PAK5: variants seen among roughly 807,000 people sequenced by gnomAD.
The protein encoded by PAK5 is serine/threonine-protein kinase PAK 5.
In PAK5, 16 loss-of-function variants were observed where a neutral mutation model predicts 65.9. That is an observed-to-expected ratio of 0.24 (90% CI 0.16 to 0.37). The LOEUF (loss-of-function observed/expected upper bound fraction) is 0.37, where lower values mean the gene tolerates loss of function less well. Among genes scored for constraint, PAK5 ranks in the 10% least tolerant of loss-of-function variants. The pLI is 1.00. For missense variants in PAK5, 785 were observed against 903.9 expected (o/e 0.87, Z 1.69); for synonymous variants, 371 against 354.9 (o/e 1.05, Z -0.51).
intron 2 of PAK5, among the ~76,000 whole-genome samples, chr20:9,677,623 C>A (rs917626266): frequency 1.3e-5 from 2 of 152,188 alleles, no homozygotes; most frequent in Non-Finnish European, 2.9e-5. Context: ...TGTTCTTAAC[C>A]TCATCCAGAA....
intron 1 of PAK5, among the ~76,000 whole-genome samples, chr20:9,775,975 T>G (rs1379562982): frequency 6.6e-6 from 1 of 152,230 alleles, no homozygotes; most frequent in Non-Finnish European, 1.5e-5. Flanking sequence ...TATGAGAAAG[T>G]TAAATAGAAA....
At chr20:9,702,067 C>T (rs2047946792) in intron 2 of PAK5, among the ~76,000 whole-genome samples, 1 of 152,086 alleles carries the variant, frequency 6.6e-6, no homozygotes, top group Non-Finnish European at 1.5e-5. Flanking sequence ...ATCCGAGCTT[C>T]CCTCCACCTT....
rs115035530 is a variant in PAK5, at chr20:9,696,263, G to A, written c.-12+15023C>T. Among the ~76,000 whole-genome samples the A allele has an allele frequency of 2.7e-3, 411 of 152,216 alleles. 5 individuals carry two copies. The highest frequency in any genetic ancestry group is 9.5e-3 in the African/African-American group (394 of 41,572). On this transcript the variant is annotated intron_variant, in intron 2 of 9. Transcript: ENST00000353224. The stretch of plus-strand genomic sequence containing the variant: ...TCAAGGTGCAACCTCTGGACCATCA[G>A]CATAGGTATCACTGGGGATTGGGAG...
intron 1 of PAK5, among the ~76,000 whole-genome samples, chr20:9,775,701 A>G (rs566254069): frequency 6.6e-6 from 1 of 152,320 alleles, no homozygotes; most frequent in East Asian, 1.9e-4. Flanking sequence ...AAAAAGCATA[A>G]ATCTTGAACA....
chr20:9,647,810 C>G (rs2047152643), intron 2 of PAK5, among the ~76,000 whole-genome samples: 1 of 152,112 alleles, frequency 6.6e-6, no homozygotes, highest in Non-Finnish European at 1.5e-5. Flanking sequence ...AGCAATATTC[C>G]TGGGAAGTTC....
chr20:9,626,868 C>A (rs943835136), intron 3 of PAK5, among the ~76,000 whole-genome samples: 3 of 151,668 alleles, frequency 2.0e-5, no homozygotes, highest in African/African-American at 7.3e-5. Context: ...AAAATGAAAT[C>A]AAAACTGTGT....
intron 7 of PAK5, among the ~76,000 whole-genome samples, chr20:9,556,537 G>A (rs2045509829): frequency 6.6e-6 from 1 of 152,218 alleles, no homozygotes; most frequent in Admixed American, 6.5e-5. Flanking sequence ...CTCCATTCAT[G>A]CCAAGGCCAT....
At chr20:9,828,417 T>A (rs1978445120) in intron 1 of PAK5, among the ~76,000 whole-genome samples, 1 of 152,294 alleles carries the variant, frequency 6.6e-6, no homozygotes, top group African/African-American at 2.4e-5. Flanking sequence ...TTCTGTAAAA[T>A]TTTTTTAAAT....
chr20:9,707,367 C>G (rs1476605513), intron 2 of PAK5, among the ~76,000 whole-genome samples: 1 of 152,202 alleles, frequency 6.6e-6, no homozygotes, highest in African/African-American at 2.4e-5. Flanking sequence ...ACCTCAGCCT[C>G]TTAAAGTGCT....
At chr20:9,687,147 C>T (rs549423299) in intron 2 of PAK5, among the ~76,000 whole-genome samples, 14 of 152,248 alleles carry the variant, frequency 9.2e-5, no homozygotes, top group African/African-American at 3.1e-4. Context: ...TAGCTTTGCT[C>T]AGGATGGAAA....
At chr20:9,786,182 C>T (rs2048990763) in intron 1 of PAK5, among the ~76,000 whole-genome samples, 1 of 151,960 alleles carries the variant, frequency 6.6e-6, no homozygotes, top group Admixed American at 6.6e-5. Flanking sequence ...TTTTAAGAGG[C>T]TTTTCCAGAA....
intron 1 of PAK5, among the ~76,000 whole-genome samples, chr20:9,748,394 A>G (rs2048533754): frequency 6.6e-6 from 1 of 152,184 alleles, no homozygotes; most frequent in African/African-American, 2.4e-5. Context: ...GTCCTAAGCC[A>G]AAAGAACAAA....
At chr20:9,592,477 T>C (rs1326650361) in intron 3 of PAK5, among the ~76,000 whole-genome samples, 1 of 152,220 alleles carries the variant, frequency 6.6e-6, no homozygotes, top group African/African-American at 2.4e-5. Context: ...ATGTTGTATA[T>C]CTTGATCTTG....
At chr20:9,590,746 G>A (rs554324454) in intron 3 of PAK5, among the ~76,000 whole-genome samples, 96 of 152,296 alleles carry the variant, frequency 6.3e-4, no homozygotes, top group Admixed American at 2.0e-3. Context: ...AGGAGGACAT[G>A]AAACACAGTT....
At chr20:9,756,459 G>A (rs1248830167) in intron 1 of PAK5, among the ~76,000 whole-genome samples, 1 of 152,094 alleles carries the variant, frequency 6.6e-6, no homozygotes, top group Non-Finnish European at 1.5e-5. Flanking sequence ...GTTTGATACA[G>A]TAGCCACACA....
intron 2 of PAK5, among the ~76,000 whole-genome samples, chr20:9,645,607 C>CA (rs1221874881): frequency 1.3e-5 from 2 of 149,708 alleles, no homozygotes; most frequent in African/African-American, 4.9e-5. Flanking sequence ...TTTTTTGAGA[C>CA]AGAGTATCGC....
Position 9,676,173 on chromosome 20 carries a change from G to A in PAK5, c.-11-31834C>T, listed in dbSNP as rs980684941. Among the ~76,000 whole-genome samples, 16 of 152,004 alleles carry A rather than the reference G, an allele frequency of 1.1e-4. No homozygotes were observed. In the East Asian group the frequency reaches 2.1e-3, roughly 20 times the overall value. ...CCCCTTACAATAATCATCAAATCTC[G>A]TGAGACTTACTATCACAAGAACAGC... On this transcript the variant is annotated intron_variant, in intron 2 of 9. Transcript: ENST00000353224.
chr20:9,785,975 A>T (rs2048988669), intron 1 of PAK5, among the ~76,000 whole-genome samples: 1 of 152,042 alleles, frequency 6.6e-6, no homozygotes, highest in South Asian at 2.1e-4. Flanking sequence ...AATCAGAGGC[A>T]CTGCTCTAGG....
intron 1 of PAK5, among the ~76,000 whole-genome samples, chr20:9,809,703 A>G (rs1289000231): frequency 6.6e-6 from 1 of 152,138 alleles, no homozygotes; most frequent in Non-Finnish European, 1.5e-5. Flanking sequence ...ACCACACAGC[A>G]CCTGTACAAT....
Sources: gnomAD v4.1 joint callset for allele counts (sites outside exome capture counted in the v4.1 genomes callset) on GRCh38, gnomAD v4.1.1 for gene constraint, MANE v1.5 for transcripts, NCBI Gene and HGNC (gene_info 2026-07-23, HGNC 2026-07-21) for gene names.